Variants in PDLIM3 observed in about 807,000 individuals in gnomAD.
PDLIM3 encodes the protein PDZ and LIM domain protein 3.
Under a neutral mutation model 37.3 loss-of-function variants are expected in PDLIM3, and 36 were observed. The observed-to-expected ratio is 0.97, with a 90% CI of 0.74 to 1.28. The LOEUF (loss-of-function observed/expected upper bound fraction) is 1.28. PDLIM3 is among the 50% of genes most tolerant of loss of function. The probability of loss-of-function intolerance (pLI) is 0.00; values close to 1 mark genes in which losing one functional copy is unlikely to be tolerated. For missense variants in PDLIM3, 454 were observed against 485.0 expected (o/e 0.94, Z 0.60); for synonymous variants, 174 against 182.4 (o/e 0.95, Z 0.37).
rs1192000094 is a variant in PDLIM3, at chr4:185,520,767, T to C, written c.330+2595A>G. On this transcript the variant is annotated intron_variant, in intron 3 of 7. Coordinates refer to ENST00000284767, the MANE Select transcript of PDLIM3 (RefSeq NM_014476.6). The stretch of plus-strand genomic sequence containing the variant: ...GTAAATACTTGCTGAATTACTTACA[T>C]GCTGGGGTGACGGATGCAACCATGA... Among the ~76,000 whole-genome samples the C allele has an allele frequency of 3.0e-5, 2 of 65,696 alleles. 1 individual carries two copies. Among genetic ancestry groups the C allele is most frequent in the Admixed American group, 3.5e-4 (2 of 5,756 alleles). 43.1% of individuals were successfully genotyped at this position (65,696 alleles called of 152,430 possible). A position where few individuals can be genotyped will look rare whatever the true frequency, so the allele number is the denominator to read the frequency against.
At chr4:185,531,863 C>T (rs921169208) in intron 1 of PDLIM3, among the ~76,000 whole-genome samples, 1 of 142,452 alleles carries the variant, frequency 7.0e-6, no homozygotes, top group Non-Finnish European at 1.5e-5. Flanking sequence ...CTGAGGTGGG[C>T]GGATCGCCTG....
intron 4 of PDLIM3, among the ~76,000 whole-genome samples, chr4:185,509,759 G>A (rs185221140): frequency 6.6e-6 from 1 of 152,304 alleles, no homozygotes; most frequent in Admixed American, 6.5e-5. Flanking sequence ...CTGGTCTCAA[G>A]TATGGCCCCA....
chr4:185,532,559 G>A (rs905081483), intron 1 of PDLIM3, among the ~76,000 whole-genome samples: 1 of 152,142 alleles, frequency 6.6e-6, no homozygotes, highest in Non-Finnish European at 1.5e-5. Flanking sequence ...CAGGGAAATC[G>A]TAAGTAGTCC....
intron 4 of PDLIM3, among the ~76,000 whole-genome samples, chr4:185,510,731 T>A (rs1180426456): frequency 1.3e-5 from 2 of 152,230 alleles, no homozygotes; most frequent in African/African-American, 4.8e-5. Context: ...TGCATATGTG[T>A]GTACTATGTA....
intron 7 of PDLIM3, among the ~76,000 whole-genome samples, chr4:185,503,031 T>G (rs1037296708): frequency 6.6e-6 from 1 of 151,934 alleles, no homozygotes. Context: ...ATCGAGACCA[T>G]CCTGGCTAAC....
intron 7 of PDLIM3, among the ~76,000 whole-genome samples, chr4:185,503,233 C>T (rs1337945810): frequency 1.1e-4 from 7 of 64,110 alleles, no homozygotes; most frequent in Non-Finnish European, 3.2e-4. Context: ...AAAACAACAA[C>T]AACAATAACA....
intron 7 of PDLIM3, 63 bp from the exon 8 acceptor site, chr4:185,502,546 G>C: frequency 6.8e-7 from 1 of 1,474,510 alleles, no homozygotes; most frequent in African/African-American, 1.4e-5. Flanking sequence ...AGACAAAGGA[G>C]AGAACCCAAC....
Position 185,508,448 on chromosome 4 carries a change from G to A in PDLIM3, c.513C>T (p.Ala171=), listed in dbSNP as rs1454559298. 6.2e-7 allele frequency: 1 copy of A among 1,614,162 alleles called. No individual in the cohort carries two copies. ...GTTCCATTTCCAAAGGAATGTTAGG[G>A]GCCAGCTTAGCCGCAACTTTCAAGT... ...PGDLKVAAKL[A]PNIPLEMELP... is the part of the protein sequence containing the mutation. Residue 171 remains alanine, a synonymous_variant, in exon 5 of 8, where the codon GCC becomes GCT. Coordinates refer to ENST00000284767, the MANE Select transcript of PDLIM3 (RefSeq NM_014476.6).
intron 7 of PDLIM3, among the ~76,000 whole-genome samples, chr4:185,503,097 A>G (rs1184977352): frequency 1.3e-5 from 2 of 151,808 alleles, no homozygotes; most frequent in Admixed American, 6.6e-5. Context: ...GGGCGTGGGC[A>G]CCTGTAGTCC....
At chr4:185,502,584 A>G (rs1262959952) in intron 7 of PDLIM3, 101 bp from the exon 8 acceptor site, 37 of 1,042,216 alleles carry the variant, frequency 3.6e-5, no homozygotes, top group Middle Eastern at 4.3e-4. Context: ...TCTATTTCAC[A>G]GTCAGGAAAC....
chr4:185,523,805 G>A (rs564936545), intron 2 of PDLIM3, among the ~76,000 whole-genome samples: 1 of 151,896 alleles, frequency 6.6e-6, no homozygotes, highest in Admixed American at 6.6e-5. Flanking sequence ...TTTTAGTAGA[G>A]ACGGGGTTTC....
intron 4 of PDLIM3, chr4:185,512,830 G>GGGGTT (rs1326376749): frequency 1.0e-6 from 1 of 984,714 alleles, no homozygotes; most frequent in Non-Finnish European, 1.2e-6. Context: ...TTTTGTTATT[G>GGGGTT]GGGTTGGGTT....
intron 2 of PDLIM3, among the ~76,000 whole-genome samples, 155 bp from the exon 3 acceptor site, chr4:185,523,601 C>T (rs1301288070): frequency 6.8e-6 from 1 of 148,056 alleles, no homozygotes; most frequent in African/African-American, 2.6e-5. Context: ...TGTATTTTCC[C>T]ACATAATTAG....
At position 185,514,384 on chromosome 4, in the gene PDLIM3, T is replaced by C. The variant is rs1580248742; in HGVS notation, c.331-47A>G. On this transcript the variant is annotated intron_variant, in intron 3 of 7. Transcript: ENST00000284767. This position sits in a 1 kb window ranked among gnomAD's most constrained non-coding sequence, Gnocchi z 4.0. ...AAGGCCCTCAGTGGAAGGCGGACAC[T>C]GTTGCAGATAAGATTAAACGAACGA... The C allele has an allele frequency of 6.2e-7, 1 of 1,614,030 alleles. No individual in the cohort carries two copies. Among genetic ancestry groups the C allele is most frequent in the East Asian group, 2.2e-5 (1 of 44,884 alleles).
rs567345674 is a variant in PDLIM3 at position 185,504,244 on chromosome 4, A to T, written c.905+231T>A. Reference sequence around the variant, plus strand: ...TTGGGCATCTTTTTTTTTTCATGAGAATCTATCTGAAATTGTAAGTCAAAA... The same window carrying T: ...TTGGGCATCTTTTTTTTTTCATGAGTATCTATCTGAAATTGTAAGTCAAAA... On this transcript the variant is annotated intron_variant, in intron 7 of 7. Coordinates refer to ENST00000284767, the MANE Select transcript of PDLIM3 (RefSeq NM_014476.6). The surrounding 1 kb of genome is among the most constrained non-coding windows in gnomAD (Gnocchi z 4.7). Among the ~76,000 whole-genome samples, 36 of 152,000 alleles carry T rather than the reference A, an allele frequency of 2.4e-4. No individual in the cohort carries two copies. The highest frequency in any genetic ancestry group is 8.0e-4 in the African/African-American group (33 of 41,450).
chr4:185,505,331 G>A (rs2095694843), intron 6 of PDLIM3, among the ~76,000 whole-genome samples: 2 of 152,220 alleles, frequency 1.3e-5, no homozygotes, highest in South Asian at 4.1e-4. Flanking sequence ...TAAGATAAAT[G>A]CTGGCATACA....
rs200921332 is a variant in PDLIM3 at position 185,504,505 on chromosome 4, G to C, written c.875C>G (p.Pro292Arg). The change falls in exon 7 of 8, where the codon CCG (proline) becomes CGG (arginine). Residue 292 changes from proline to arginine, a missense_variant. By Grantham distance (103) the Pro-to-Arg change is moderately radical. Transcript: ENST00000284767. This position sits in a 1 kb window ranked among gnomAD's most constrained non-coding sequence, Gnocchi z 4.7. ...HGGSGGAQRMPLCDKCGSGIV... is the reference protein window; with the variant it reads ...HGGSGGAQRMRLCDKCGSGIV... ...GCCACTCCCACATTTGTCACAGAGCGGCATCCTCTGTGCCCCGCCTGAACC... is the reference window on the plus strand; with the variant it reads ...GCCACTCCCACATTTGTCACAGAGCCGCATCCTCTGTGCCCCGCCTGAACC... 1 of 1,613,722 alleles carries C rather than the reference G, an allele frequency of 6.2e-7. No homozygotes were observed. The highest frequency in any genetic ancestry group is 1.3e-5 in the African/African-American group (1 of 74,914).
chr4:185,515,578 C>G (rs1355859751), intron 3 of PDLIM3: 1 of 152,154 alleles, frequency 6.6e-6, no homozygotes, highest in Non-Finnish European at 1.5e-5. Flanking sequence ...TTGAAGACCT[C>G]TTCATGTTTA....
In PDLIM3 at chr4:185,523,442, C is replaced by A. The variant is rs772452819; in HGVS notation, c.250G>T (p.Glu84Ter). The change falls in exon 3 of 8, where the codon GAA (glutamate) becomes TAA (stop). Residue 84 changes from glutamate to a stop codon, truncating the protein, a stop_gained. Coordinates refer to ENST00000284767, the MANE Select transcript of PDLIM3 (RefSeq NM_014476.6). LOFTEE classifies it high-confidence loss of function. ...ACTTGTGGAGACCATAAGTGAGTTT[C>A]TCCCCTGGAAATAAAATAAAATTTG... is the stretch of plus-strand genomic sequence containing the variant. ...HQLCLKIDRG[E>*]THLWSPQVSE... 1.3e-6 allele frequency: 2 copies of A among 1,591,792 alleles called. No homozygotes were observed. The highest frequency in any genetic ancestry group is 1.7e-6 in the Non-Finnish European group (2 of 1,160,208).
Sources: allele counts gnomAD v4.1 joint callset (sites outside exome capture counted in the v4.1 genomes callset), GRCh38; gene constraint gnomAD v4.1.1; non-coding constraint Gnocchi (gnomAD v3.1); transcripts MANE v1.5; gene names NCBI Gene and HGNC (gene_info 2026-07-23, HGNC 2026-07-21).